GTPBP10: variants seen among roughly 807,000 people sequenced by gnomAD.
GTPBP10 encodes the protein GTP binding protein 10, also known as GTP-binding protein 10.
GTPBP10 carries 38 observed loss-of-function variants against 44.8 expected under a neutral mutation model. That is an observed-to-expected ratio of 0.85 (90% CI 0.65 to 1.11). GTPBP10 has a LOEUF of 1.11. Among genes scored for constraint, GTPBP10 ranks in the 50% most tolerant of loss-of-function variants. GTPBP10 has a pLI of 0.00. For missense variants in GTPBP10, 462 were observed against 453.7 expected (o/e 1.02, Z -0.17); for synonymous variants, 152 against 150.6 (o/e 1.01, Z -0.07).
Position 90,385,167 on chromosome 7 carries a change from T to C in GTPBP10, c.*13T>C. 6.5e-7 allele frequency: 1 copy of C among 1,546,228 alleles called. No homozygotes were observed. The highest frequency in any genetic ancestry group is 8.8e-7 in the Non-Finnish European group (1 of 1,133,724). On this transcript the variant is annotated 3_prime_UTR_variant, in exon 10 of 10. Transcript: ENST00000222511. ...GGATATAATTTAAATATATTAAAAA[T>C]GGTATTGATGGAACAGTATTTAATG... is the stretch of plus-strand genomic sequence containing the variant.
intron 1 of GTPBP10, among the ~76,000 whole-genome samples, chr7:90,349,037 C>A (rs973770408): frequency 6.6e-6 from 1 of 152,326 alleles, no homozygotes; most frequent in South Asian, 2.1e-4. Flanking sequence ...CCTTTACCCA[C>A]TTTCCCGCCG....
rs150043181 is a variant in GTPBP10 at position 90,366,604 on chromosome 7, C to G, written c.465-5551C>G. ...TATTGTCTGATGGTAATTTGTATTT[C>G]TGTGGGATCAGTAGTGATATCCCCT... On this transcript the variant is annotated intron_variant, in intron 4 of 9. Transcript: ENST00000222511. 3.4e-3 allele frequency among the ~76,000 whole-genome samples: 519 copies of G among 152,130 alleles called. 3 individuals are homozygous for G. The highest frequency in any genetic ancestry group is 0.012 in the African/African-American group (497 of 41,516).
rs534740402 is a variant in GTPBP10 at position 90,385,258 on chromosome 7, G to A, written c.*104G>A. 162 of 774,070 alleles carry A rather than the reference G, an allele frequency of 2.1e-4. No homozygotes were observed. In the African/African-American group the frequency reaches 2.6e-3, roughly 13 times the overall value. The allele number at this position is 774,070 out of a possible 1,614,324, so 48.0% of individuals were successfully genotyped here. On this transcript the variant is annotated 3_prime_UTR_variant, in exon 10 of 10. Coordinates refer to ENST00000222511, the MANE Select transcript of GTPBP10 (RefSeq NM_033107.4). ...GGACATGTTAAGTAAAATAAGCCAG[G>A]CTTAGAAAGACAAATGCTGCATAAT...
chr7:90,378,040 T>G, intron 7 of GTPBP10, 94 bp from the exon 8 acceptor site: 1 of 1,411,740 alleles, frequency 7.1e-7, no homozygotes, highest in Non-Finnish European at 9.5e-7. Flanking sequence ...GAGAAATTGT[T>G]TTTAGCTTGA....
intron 5 of GTPBP10, among the ~76,000 whole-genome samples, 163 bp downstream of exon 5, chr7:90,372,391 A>C (rs1415734475): frequency 6.7e-6 from 1 of 149,392 alleles, no homozygotes; most frequent in Non-Finnish European, 1.5e-5. Flanking sequence ...TTGCATGATC[A>C]TGGCTCACTG....
At chr7:90,372,130 G>A (rs1163944940) in intron 4 of GTPBP10, 25 bp from the exon 5 acceptor site, 1 of 1,415,326 alleles carries the variant, frequency 7.1e-7, no homozygotes, top group Non-Finnish European at 9.9e-7. Context: ...TGACATTTGT[G>A]TATAATTTTA....
At chr7:90,371,784 ATTT>A (rs912319730) in intron 4 of GTPBP10, among the ~76,000 whole-genome samples, 1 of 151,792 alleles carries the variant, frequency 6.6e-6, no homozygotes, top group African/African-American at 2.4e-5. Context: ...TGTCTATAAA[ATTT>A]TTTTTTAAAG....
At chr7:90,356,298 C>G (rs138315029) in intron 4 of GTPBP10, among the ~76,000 whole-genome samples, 225 of 152,260 alleles carry the variant, frequency 1.5e-3, no homozygotes, top group Non-Finnish European at 2.6e-3. Context: ...TTGCCATTTA[C>G]ATTTATTTTT....
At chr7:90,361,648 A>T (rs1796023288) in intron 4 of GTPBP10, among the ~76,000 whole-genome samples, 1 of 152,224 alleles carries the variant, frequency 6.6e-6, no homozygotes, top group African/African-American at 2.4e-5. Flanking sequence ...GCCTCATAAA[A>T]TGAGTTAGGG....
At chr7:90,381,695 G>A (rs563954390) in intron 8 of GTPBP10, among the ~76,000 whole-genome samples, 139 of 152,264 alleles carry the variant, frequency 9.1e-4, no homozygotes, top group African/African-American at 3.0e-3. Context: ...TCAAAACAGC[G>A]TGGTACTGGC....
chr7:90,391,262 C>T lies in GTPBP10; in HGVS notation c.*6108C>T, dbSNP rs901341577. The T allele has an allele frequency of 7.1e-6, 1 of 141,112 alleles. No individual in the cohort carries two copies. Among genetic ancestry groups the T allele is most frequent in the Non-Finnish European group, 1.6e-5 (1 of 64,272 alleles). 8.7% of individuals were successfully genotyped at this position (141,112 alleles called of 1,614,324 possible). A position where few individuals can be genotyped will look rare whatever the true frequency, so the allele number is the denominator to read the frequency against. ...AACTTTTCCATTTAATATTTTTGGACCACAGTTGACTGAAACTGAGGATGG... is the reference window on the plus strand; with the variant it reads ...AACTTTTCCATTTAATATTTTTGGATCACAGTTGACTGAAACTGAGGATGG... On this transcript the variant is annotated 3_prime_UTR_variant, in exon 10 of 10. Coordinates refer to ENST00000222511, the MANE Select transcript of GTPBP10 (RefSeq NM_033107.4).
In GTPBP10 at chr7:90,377,496, C is replaced by T. The variant is rs1796360948; in HGVS notation, c.592-11C>T. ...TTTTCCTTTTTCATTAACCATTTAA[C>T]TTTGTATTAGATATCAGTAGCTGAT... On this transcript the variant is annotated splice_polypyrimidine_tract_variant and intron_variant, in intron 6 of 9. Coordinates refer to ENST00000222511, the MANE Select transcript of GTPBP10 (RefSeq NM_033107.4). The T allele has an allele frequency of 6.4e-7, 1 of 1,563,502 alleles. No homozygotes were observed. The highest frequency in any genetic ancestry group is 8.7e-7 in the Non-Finnish European group (1 of 1,148,110).
chr7:90,384,855 C>T lies in GTPBP10; in HGVS notation c.902-37C>T, dbSNP rs762523127. ...CATGGTTTTAACTAACTTTCGAAAA[C>T]AATGGAAATCAGCTTTGTTTGTGCT... On this transcript the variant is annotated intron_variant, in intron 9 of 9. Transcript: ENST00000222511. The T allele has an allele frequency of 1.9e-6, 3 of 1,549,958 alleles. No individual in the cohort carries two copies. The East Asian group carries it at 6.9e-5, about 36-fold the overall frequency.
At position 90,388,956 on chromosome 7, in the gene GTPBP10, G is replaced by A. The variant is rs574352070; in HGVS notation, c.*3802G>A. The A allele has an allele frequency of 3.3e-5, 5 of 152,316 alleles. No individual in the cohort carries two copies. In the East Asian group the frequency reaches 9.6e-4, roughly 29 times the overall value. 9.4% of individuals were successfully genotyped at this position (152,316 alleles called of 1,614,324 possible). A position where few individuals can be genotyped will look rare whatever the true frequency, so the allele number is the denominator to read the frequency against. On this transcript the variant is annotated 3_prime_UTR_variant, in exon 10 of 10. Coordinates refer to ENST00000222511, the MANE Select transcript of GTPBP10 (RefSeq NM_033107.4). ...AATAATTTTTCAAAGCAACAGCACA[G>A]ATGCACTTTAAAACTGTAGCTTAAA...
At chr7:90,375,726 G>C (rs1796334029) in intron 6 of GTPBP10, among the ~76,000 whole-genome samples, 1 of 151,854 alleles carries the variant, frequency 6.6e-6, no homozygotes, top group Admixed American at 6.6e-5. Context: ...TTAAGACCCT[G>C]AATTATTTAT....
rs1796593305 is a variant in GTPBP10, at chr7:90,390,278, G to C, written c.*5124G>C. 6.6e-6 allele frequency: 1 copy of C among 152,158 alleles called. No individual in the cohort carries two copies. Among genetic ancestry groups the C allele is most frequent in the African/African-American group, 2.4e-5 (1 of 41,436 alleles). The allele number at this position is 152,158 out of a possible 1,614,324, so 9.4% of individuals were successfully genotyped here. ...TGGAAAGTTGTTGCATGTCTCTCTG[G>C]ATAGCTCAGAAGTATCAGTTGTGGT... On this transcript the variant is annotated 3_prime_UTR_variant, in exon 10 of 10. Coordinates refer to ENST00000222511, the MANE Select transcript of GTPBP10 (RefSeq NM_033107.4).
Position 90,386,157 on chromosome 7 carries a change from A to G in GTPBP10, c.*1003A>G, listed in dbSNP as rs1470210684. 1 of 152,098 alleles carries G rather than the reference A, an allele frequency of 6.6e-6. No individual in the cohort carries two copies. Among genetic ancestry groups the G allele is most frequent in the African/African-American group, 2.4e-5 (1 of 41,434 alleles). 9.4% of individuals were successfully genotyped at this position (152,098 alleles called of 1,614,324 possible). ...ATATTCCTTTACTTAGGATGTCCCT[A>G]TTGAGATCATTTTTTAAATTTATGT... is the stretch of plus-strand genomic sequence containing the variant. On this transcript the variant is annotated 3_prime_UTR_variant, in exon 10 of 10. Transcript: ENST00000222511.
intron 4 of GTPBP10, among the ~76,000 whole-genome samples, chr7:90,358,844 C>G (rs1011871167): frequency 1.5e-4 from 23 of 152,160 alleles, no homozygotes; most frequent in Admixed American, 1.5e-3. Context: ...TATTTGCAAA[C>G]TACGCATCTA....
Position 90,386,360 on chromosome 7 carries a change from G to C in GTPBP10, c.*1206G>C, listed in dbSNP as rs1045890010. The C allele has an allele frequency of 3.3e-5, 5 of 152,168 alleles. No individual in the cohort carries two copies. Among genetic ancestry groups the C allele is most frequent in the African/African-American group, 1.2e-4 (5 of 41,442 alleles). The allele number at this position is 152,168 out of a possible 1,614,324, so 9.4% of individuals were successfully genotyped here. Reference sequence around the variant, plus strand: ...ATATGACAGAAACTAGAAGATAGCTGTTTATGATTTGAGCTTTTGGAAAAT... The same window carrying C: ...ATATGACAGAAACTAGAAGATAGCTCTTTATGATTTGAGCTTTTGGAAAAT... On this transcript the variant is annotated 3_prime_UTR_variant, in exon 10 of 10. Coordinates refer to ENST00000222511, the MANE Select transcript of GTPBP10 (RefSeq NM_033107.4).
Sources: gnomAD v4.1 joint callset for allele counts (sites outside exome capture counted in the v4.1 genomes callset) on GRCh38, gnomAD v4.1.1 for gene constraint, MANE v1.5 for transcripts, NCBI Gene and HGNC (gene_info 2026-07-23, HGNC 2026-07-21) for gene names.